Variants in CEP78 observed in about 807,000 individuals in gnomAD.
CEP78 encodes the protein centrosomal protein 78, also known as centrosomal protein of 78 kDa.
Under a neutral mutation model 81.2 loss-of-function variants are expected in CEP78, and 76 were observed. The observed-to-expected ratio is 0.94, with a 90% CI of 0.78 to 1.13. The LOEUF (loss-of-function observed/expected upper bound fraction) is 1.13, where lower values mean the gene tolerates loss of function less well. Ranked by LOEUF, CEP78 falls within the 50% of genes most tolerant of loss-of-function variation. The pLI is 0.00. For synonymous variants in CEP78, 293 were observed against 301.4 expected (o/e 0.97, Z 0.29); for missense variants, 918 against 846.8 (o/e 1.08, Z -1.04).
intron 3 of CEP78, 77 bp downstream of exon 3, chr9:78,240,441 C>A: frequency 8.1e-7 from 1 of 1,234,398 alleles, no homozygotes; most frequent in South Asian, 1.3e-5. Flanking sequence ...TAATTCCTGT[C>A]TGTACCTTTT....
rs923303385 is a variant in CEP78 at position 78,271,039 on chromosome 9, C to T, written c.*188C>T. The T allele has an allele frequency of 2.1e-5, 10 of 481,128 alleles. No homozygotes were observed. The highest frequency in any genetic ancestry group is 4.5e-4 in the Middle Eastern group (1 of 2,236). The allele number at this position is 481,128 out of a possible 1,614,324, so 29.8% of individuals were successfully genotyped here. On this transcript the variant is annotated 3_prime_UTR_variant, in exon 17 of 17. Coordinates refer to ENST00000643273, the MANE Select transcript of CEP78 (RefSeq NM_001330691.3). ...GGAGTTTGCCACCAGGCTAAGAAAG[C>T]AGCTATCTGAAGTGGGAGCTCTGAC...
chr9:78,236,373 G>A lies in CEP78; in HGVS notation c.23G>A (p.Arg8His), dbSNP rs752035535. 1 of 1,585,368 alleles carries A rather than the reference G, an allele frequency of 6.3e-7. No homozygotes were observed. The highest frequency in any genetic ancestry group is 1.1e-5 in the South Asian group (1 of 87,820). The change falls in exon 1 of 17, where the codon CGC becomes CAC. Residue 8 changes from arginine to histidine, a missense_variant. Arg to His is a conservative substitution (Grantham distance 29). Coordinates refer to ENST00000643273, the MANE Select transcript of CEP78 (RefSeq NM_001330691.3). The part of the protein sequence containing the change: MIDSVKL[R>H]RDSAADFFSH... ...GCCATGATCGACTCCGTGAAGCTGC[G>A]CCGCGACAGCGCGGCGGACTTCTTC...
At chr9:78,237,304 A>G (rs1387373343) in intron 1 of CEP78, among the ~76,000 whole-genome samples, 15 of 152,036 alleles carry the variant, frequency 9.9e-5, no homozygotes, top group Admixed American at 7.9e-4. Flanking sequence ...TAAGGTGTAT[A>G]TAAGAAGTTT....
intron 8 of CEP78, chr9:78,250,457 G>A (rs372236847): frequency 4.4e-5 from 15 of 341,984 alleles, no homozygotes; most frequent in Middle Eastern, 7.8e-4. Context: ...TTATATTTGC[G>A]GCCGGGCACG....
At position 78,274,820 on chromosome 9, in the gene CEP78, G is replaced by C. The variant is rs1376655093; in HGVS notation, c.*3969G>C. ...AATTAATAAAAACTTCTCTAAAGCTGAGGAATTCTACCAAAGAGGTGTTAG... is the reference window on the plus strand; with the variant it reads ...AATTAATAAAAACTTCTCTAAAGCTCAGGAATTCTACCAAAGAGGTGTTAG... On this transcript the variant is annotated 3_prime_UTR_variant, in exon 17 of 17. Coordinates refer to ENST00000643273, the MANE Select transcript of CEP78 (RefSeq NM_001330691.3). 2.6e-5 allele frequency: 4 copies of C among 152,136 alleles called. No homozygotes were observed. Among genetic ancestry groups the C allele is most frequent in the African/African-American group, 9.7e-5 (4 of 41,432 alleles). 9.4% of individuals were successfully genotyped at this position (152,136 alleles called of 1,614,324 possible).
rs1826145876 is a variant in CEP78, at chr9:78,240,022, G to T, written c.254-1G>T. On this transcript the variant is annotated splice_acceptor_variant, in intron 1 of 16. Transcript: ENST00000643273. LOFTEE classifies it high-confidence loss of function. ...CTAACTTTCTTTTATCTTTGTTTTA[G>T]GTTCTGACATGAATAAATTTTGCAG... 1 of 1,564,024 alleles carries T rather than the reference G, an allele frequency of 6.4e-7. No homozygotes were observed. The highest frequency in any genetic ancestry group is 1.2e-5 in the South Asian group (1 of 81,988).
chr9:78,265,791 G>T, intron 14 of CEP78, 68 bp from the exon 15 acceptor site: 2 of 864,566 alleles, frequency 2.3e-6, no homozygotes, highest in Non-Finnish European at 3.8e-6. Context: ...GTGAAGAAAT[G>T]AAAGATTAGA....
intron 16 of CEP78, 177 bp downstream of exon 16, chr9:78,266,880 A>G (rs1827566855): frequency 7.0e-7 from 1 of 1,436,646 alleles, no homozygotes. Flanking sequence ...AGAAAATAGA[A>G]TAGTGACTGT....
chr9:78,268,806 G>A (rs372247729), intron 16 of CEP78, among the ~76,000 whole-genome samples: 9 of 150,618 alleles, frequency 6.0e-5, no homozygotes, highest in East Asian at 2.0e-4. Flanking sequence ...AGAGGTGCCC[G>A]CCACCATGCC....
intron 16 of CEP78, among the ~76,000 whole-genome samples, chr9:78,267,795 C>A (rs550531300): frequency 6.6e-6 from 1 of 152,166 alleles, no homozygotes; most frequent in South Asian, 2.1e-4. Context: ...GGATATAAAT[C>A]TTTGGAGTAA....
chr9:78,241,532 C>T (rs570253891), intron 3 of CEP78, among the ~76,000 whole-genome samples, 164 bp from the exon 4 acceptor site: 1 of 152,186 alleles, frequency 6.6e-6, no homozygotes, highest in Non-Finnish European at 1.5e-5. Flanking sequence ...TTGTTACTGA[C>T]TTATTTTAGA....
intron 5 of CEP78, among the ~76,000 whole-genome samples, chr9:78,244,772 C>T (rs980366959): frequency 2.0e-5 from 3 of 152,062 alleles, no homozygotes; most frequent in Admixed American, 6.6e-5. Flanking sequence ...TTGGCTTATC[C>T]GTTCCTATTA....
Position 78,272,240 on chromosome 9 carries a change from G to C in CEP78, c.*1389G>C, listed in dbSNP as rs1827708254. 1 of 152,316 alleles carries C rather than the reference G, an allele frequency of 6.6e-6. No homozygotes were observed. The highest frequency in any genetic ancestry group is 1.5e-5 in the Non-Finnish European group (1 of 68,218). 9.4% of individuals were successfully genotyped at this position (152,316 alleles called of 1,614,324 possible). A position where few individuals can be genotyped will look rare whatever the true frequency, so the allele number is the denominator to read the frequency against. On this transcript the variant is annotated 3_prime_UTR_variant, in exon 17 of 17. Transcript: ENST00000643273. ...GCCAAGATGGGTTCTTTCTTAGGCT[G>C]GTCTTGAACTCCTGGCCTCAAATGA...
chr9:78,246,629 G>A (rs1273406597), intron 5 of CEP78, 40 bp from the exon 6 acceptor site: 2 of 1,299,642 alleles, frequency 1.5e-6, no homozygotes, highest in Non-Finnish European at 2.2e-6. Context: ...CAAAAAATCT[G>A]TATAGAATTA....
In CEP78 at chr9:78,253,147, A is replaced by G. The variant is rs1240804487; in HGVS notation, c.1206-85A>G. On this transcript the variant is annotated intron_variant, in intron 9 of 16. Coordinates refer to ENST00000643273, the MANE Select transcript of CEP78 (RefSeq NM_001330691.3). Reference sequence around the variant, plus strand: ...GCACAGTTATGTATGGATAGTATACATAATACTAGCAAGTGTTATTACCTA... The same window carrying G: ...GCACAGTTATGTATGGATAGTATACGTAATACTAGCAAGTGTTATTACCTA... 9 of 716,848 alleles carry G rather than the reference A, an allele frequency of 1.3e-5. No individual in the cohort carries two copies. The East Asian group carries it at 2.2e-4, about 17-fold the overall frequency. 44.4% of individuals were successfully genotyped at this position (716,848 alleles called of 1,614,324 possible). A position where few individuals can be genotyped will look rare whatever the true frequency, so the allele number is the denominator to read the frequency against.
intron 5 of CEP78, 144 bp downstream of exon 5, chr9:78,243,780 TA>T (rs1201495515): frequency 1.3e-5 from 7 of 536,718 alleles, no homozygotes; most frequent in African/African-American, 2.0e-5. Flanking sequence ...TAAGCCTTTA[TA>T]AAAGTTATAT....
intron 1 of CEP78, 136 bp from the exon 2 acceptor site, chr9:78,239,887 C>A: frequency 1.5e-6 from 1 of 665,446 alleles, no homozygotes; most frequent in Non-Finnish European, 2.4e-6. Flanking sequence ...TCCCATGTGG[C>A]TTGAGTTTAC....
At chr9:78,240,491 C>T in intron 3 of CEP78, 127 bp downstream of exon 3, 1 of 780,362 alleles carries the variant, frequency 1.3e-6, no homozygotes, top group Admixed American at 2.3e-5. Context: ...AACCTTGGTC[C>T]AGTCTCAAGT....
chr9:78,236,283 C>T lies in CEP78; in HGVS notation c.-68C>T, dbSNP rs922502016. 1 of 1,429,810 alleles carries T rather than the reference C, an allele frequency of 7.0e-7. No homozygotes were observed. 88.6% of individuals were successfully genotyped at this position (1,429,810 alleles called of 1,614,324 possible). ...GGGTGCCGGAGCGGCCGGGTTGCGA[C>T]TCAGCGTTCTTGGGTGGGCGCGGGC... On this transcript the variant is annotated 5_prime_UTR_variant, in exon 1 of 17. Coordinates refer to ENST00000643273, the MANE Select transcript of CEP78 (RefSeq NM_001330691.3).
Sources: gnomAD v4.1 joint callset for allele counts (sites outside exome capture counted in the v4.1 genomes callset) on GRCh38, gnomAD v4.1.1 for gene constraint, MANE v1.5 for transcripts, NCBI Gene and HGNC (gene_info 2026-07-23, HGNC 2026-07-21) for gene names.